The following MAK variants were observed in gnomAD, a reference collection of about 807,000 sequenced individuals.
MAK encodes the protein serine/threonine-protein kinase MAK.
In MAK, 65 loss-of-function variants were observed where a neutral mutation model predicts 82.6. The ratio of observed to expected loss-of-function variants is 0.79; its 90% CI spans 0.64 to 0.97. The LOEUF (loss-of-function observed/expected upper bound fraction) is 0.97. Ranked by LOEUF, MAK falls within the 50% of genes least tolerant of loss-of-function variation. The pLI is 0.00. For missense variants in MAK, 703 were observed against 780.2 expected, an observed-to-expected ratio of 0.90 and a Z score of 1.18; for synonymous variants, 250 against 274.2, an observed-to-expected ratio of 0.91 and a Z score of 0.87.
Position 10,770,162 on chromosome 6 carries a change from G to A in MAK, c.1741C>T (p.Gln581Ter), listed in dbSNP as rs746594889. 6.2e-7 allele frequency: 1 copy of A among 1,614,102 alleles called. No individual in the cohort carries two copies. The highest frequency in any genetic ancestry group is 1.1e-5 in the South Asian group (1 of 91,082). Residue 581 changes from glutamine (Q) to a stop codon, truncating the protein, a stop_gained, in exon 14 of 15, where the codon CAG becomes TAG. Transcript: ENST00000354489. LOFTEE classifies it high-confidence loss of function. ...YIPSFLKKEV[Q>*]SAGQRIHLAP... is the part of the protein sequence containing the mutation. ...AAGTGGATCCTCTGGCCAGCTGACT[G>A]CACTTCTTTTTTGAGAAAGGAAGGA...
intron 6 of MAK, 44 bp from the exon 7 acceptor site, chr6:10,803,935 C>A: frequency 1.3e-6 from 2 of 1,557,398 alleles, no homozygotes; most frequent in South Asian, 1.1e-5. Context: ...ATTGCAATTT[C>A]AAAGGTGGAT....
intron 1 of MAK, among the ~76,000 whole-genome samples, chr6:10,831,116 T>C (rs780051128): frequency 2.6e-5 from 4 of 152,226 alleles, no homozygotes; most frequent in Non-Finnish European, 5.9e-5. Flanking sequence ...AATGGCATAA[T>C]GGCTTGTATG....
intron 10 of MAK, 33 bp from the exon 11 acceptor site, chr6:10,784,605 C>T (rs759163975): frequency 7.4e-6 from 12 of 1,612,468 alleles, no homozygotes; most frequent in African/African-American, 2.7e-5. Context: ...CATTACAGCA[C>T]GAACAACGAG....
At chr6:10,784,707 T>C (rs1237647664) in intron 10 of MAK, 135 bp from the exon 11 acceptor site, 1 of 806,842 alleles carries the variant, frequency 1.2e-6, no homozygotes, top group African/African-American at 1.7e-5. Flanking sequence ...TTTCCATCAG[T>C]CTTTTGGCTA....
At chr6:10,827,228 T>G (rs1778441842) in intron 2 of MAK, among the ~76,000 whole-genome samples, 1 of 152,188 alleles carries the variant, frequency 6.6e-6, no homozygotes, top group Non-Finnish European at 1.5e-5. Context: ...TAACCATCTG[T>G]GGGACTGTAC....
chr6:10,768,890 G>A (rs958868888), intron 14 of MAK, among the ~76,000 whole-genome samples: 4 of 152,162 alleles, frequency 2.6e-5, no homozygotes, highest in African/African-American at 9.7e-5. Flanking sequence ...GATAGGCTGT[G>A]AGCACACTTT....
chr6:10,781,211 A>G (rs1475900321), intron 11 of MAK, among the ~76,000 whole-genome samples: 1 of 152,216 alleles, frequency 6.6e-6, no homozygotes, highest in Non-Finnish European at 1.5e-5. Flanking sequence ...CAGTCTGATT[A>G]TCAAGAAATA....
intron 2 of MAK, among the ~76,000 whole-genome samples, chr6:10,827,388 A>G (rs1400734956): frequency 6.6e-6 from 1 of 152,166 alleles, no homozygotes; most frequent in Non-Finnish European, 1.5e-5. Context: ...GTGTGAATTT[A>G]CATAATCATT....
At chr6:10,783,659 T>C (rs1774216357) in intron 11 of MAK, among the ~76,000 whole-genome samples, 1 of 152,186 alleles carries the variant, frequency 6.6e-6, no homozygotes, top group Admixed American at 6.5e-5. Context: ...AGTGGCCTCT[T>C]AGCCAGTGTC....
chr6:10,803,156 A>G (rs1776144266), intron 7 of MAK, among the ~76,000 whole-genome samples: 2 of 152,136 alleles, frequency 1.3e-5, no homozygotes, highest in African/African-American at 4.8e-5. Flanking sequence ...ATTTTTCCTG[A>G]AGTTCTTAAG....
intron 2 of MAK, among the ~76,000 whole-genome samples, chr6:10,822,570 GTATC>G (rs1233719340): frequency 6.6e-6 from 1 of 152,126 alleles, no homozygotes; most frequent in Non-Finnish European, 1.5e-5. Flanking sequence ...GGCAATGCAT[GTATC>G]TATTTACAAC....
At chr6:10,790,612 A>G (rs1029836559) in intron 10 of MAK, among the ~76,000 whole-genome samples, 2 of 152,236 alleles carry the variant, frequency 1.3e-5, no homozygotes, top group African/African-American at 4.8e-5. Flanking sequence ...GTGAAATCTT[A>G]ACACCATCAG....
chr6:10,784,675 C>T, intron 10 of MAK, 103 bp from the exon 11 acceptor site: 1 of 653,960 alleles, frequency 1.5e-6, no homozygotes, highest in Non-Finnish European at 2.4e-6. Context: ...CTAAGCCAGT[C>T]AATCTGACCT....
At chr6:10,773,766 AC>A (rs1773218674) in intron 12 of MAK, among the ~76,000 whole-genome samples, 1 of 143,202 alleles carries the variant, frequency 7.0e-6, no homozygotes, top group African/African-American at 2.6e-5. Flanking sequence ...ATCTCGGCTC[AC>A]TGCAACCTCC....
At position 10,795,973 on chromosome 6, in the gene MAK, G is replaced by T. The variant is rs575844293; in HGVS notation, c.1143+25C>A. 11 of 1,606,840 alleles carry T rather than the reference G, an allele frequency of 6.8e-6. No homozygotes were observed. The South Asian group carries it at 8.8e-5, about 13-fold the overall frequency. On this transcript the variant is annotated intron_variant, in intron 9 of 14. Transcript: ENST00000354489. ...ATTGCACGAGTCAAACTATTTCATT[G>T]CAAGTGTCATGACTGGCTACTCACA...
At chr6:10,812,816 T>G (rs577906397) in intron 5 of MAK, among the ~76,000 whole-genome samples, 1 of 151,808 alleles carries the variant, frequency 6.6e-6, no homozygotes, top group East Asian at 1.9e-4. Context: ...TAGGCTGGAG[T>G]GCAATGCCAC....
chr6:10,796,120 G>C lies in MAK; in HGVS notation c.1021C>G (p.Gln341Glu). 1 of 1,614,142 alleles carries C rather than the reference G, an allele frequency of 6.2e-7. No homozygotes were observed. Among genetic ancestry groups the C allele is most frequent in the Non-Finnish European group, 8.5e-7 (1 of 1,180,040 alleles). Residue 341 changes from glutamine (Q) to glutamate (E), a missense_variant, in exon 9 of 15, where the codon CAG becomes GAG. By Grantham distance (29) the Gln-to-Glu change is conservative. Coordinates refer to ENST00000354489, the MANE Select transcript of MAK (RefSeq NM_001242957.3). ...GGCTGAATGGGCTGCAGTGGCTGCT[G>C]GCTAGTTTTTGGCTGGGGTTGTCCA... Reference protein sequence around the residue: ...VVGQPQPKTSQQPLQPIQPPQ... With the variant: ...VVGQPQPKTSEQPLQPIQPPQ...
At chr6:10,813,895 AT>A (rs563846069) in intron 4 of MAK, among the ~76,000 whole-genome samples, 172 bp from the exon 5 acceptor site, 2 of 151,900 alleles carry the variant, frequency 1.3e-5, no homozygotes, top group South Asian at 2.1e-4. Flanking sequence ...TGAAAATTAG[AT>A]TTTTTTTTGT....
At chr6:10,809,880 A>C (rs1561982844) in intron 5 of MAK, among the ~76,000 whole-genome samples, 1 of 152,090 alleles carries the variant, frequency 6.6e-6, no homozygotes, top group South Asian at 2.1e-4. Context: ...TAGGTGGATC[A>C]TGAGGTCAGG....
Sources: gnomAD v4.1 joint callset for allele counts (sites outside exome capture counted in the v4.1 genomes callset) on GRCh38, gnomAD v4.1.1 for gene constraint, MANE v1.5 for transcripts, NCBI Gene and HGNC (gene_info 2026-07-23, HGNC 2026-07-21) for gene names.